Variants in UVSSA observed in about 807,000 individuals in gnomAD.
The protein encoded by UVSSA is UV stimulated scaffold protein A.
Under a neutral mutation model 73.9 loss-of-function variants are expected in UVSSA, and 72 were observed. The observed-to-expected ratio is 0.97, with a 90% confidence interval of 0.81 to 1.19. The LOEUF is 1.19. UVSSA is among the 50% of genes most tolerant of loss of function. The probability of loss-of-function intolerance (pLI) is 0.00; values close to 1 mark genes in which losing one functional copy is unlikely to be tolerated. For synonymous variants in UVSSA, 454 were observed against 391.3 expected (o/e 1.16, Z -1.89); for missense variants, 1,150 against 965.0 (o/e 1.19, Z -2.54).
intron 9 of UVSSA, 143 bp downstream of exon 9, chr4:1,375,651 G>T (rs1271870612): frequency 3.0e-6 from 4 of 1,335,450 alleles, no homozygotes. Flanking sequence ...CCCCGGCCGG[G>T]TGAGCAGTGT....
chr4:1,350,755 C>G (rs989549971), intron 3 of UVSSA, among the ~76,000 whole-genome samples: 2 of 144,358 alleles, frequency 1.4e-5, no homozygotes, highest in Non-Finnish European at 3.0e-5. Context: ...CACAGCAAGA[C>G]CGTTGTCTCT....
At chr4:1,374,001 G>A (rs185124716) in intron 8 of UVSSA, among the ~76,000 whole-genome samples, 205 of 152,322 alleles carry the variant, frequency 1.3e-3, no homozygotes, top group African/African-American at 4.9e-3. Flanking sequence ...GCACCTCTTC[G>A]CCCCAGCTGC....
chr4:1,357,709 G>GCTCAC (rs1378282804), intron 7 of UVSSA, among the ~76,000 whole-genome samples: 2 of 152,172 alleles, frequency 1.3e-5, no homozygotes, highest in African/African-American at 4.8e-5. Flanking sequence ...TGAGTGTTCA[G>GCTCAC]CTCAGCCTGG....
At chr4:1,364,573 T>A (rs898412358) in intron 7 of UVSSA, among the ~76,000 whole-genome samples, 10 of 152,198 alleles carry the variant, frequency 6.6e-5, no homozygotes, top group African/African-American at 2.2e-4. Context: ...GAGATGCAGG[T>A]GTGTGTCAGA....
chr4:1,372,330 A>C (rs974589428), intron 8 of UVSSA, among the ~76,000 whole-genome samples: 2 of 152,168 alleles, frequency 1.3e-5, no homozygotes, highest in African/African-American at 4.8e-5. Context: ...GCGGCCTGTC[A>C]CGCGTCCATC....
At chr4:1,356,321 TGTCGTTTTCCCCAG>T (rs1715738867) in intron 7 of UVSSA, among the ~76,000 whole-genome samples, 1 of 152,166 alleles carries the variant, frequency 6.6e-6, no homozygotes, top group Admixed American at 6.5e-5. Context: ...ATGCTGAGCC[TGTCGTTTTCCCCAG>T]GTCAGTGGCC....
chr4:1,348,271 C>A, intron 2 of UVSSA, 82 bp downstream of exon 2: 1 of 1,114,548 alleles, frequency 9.0e-7, no homozygotes, highest in Non-Finnish European at 1.4e-6. Context: ...CCTGCCCCCA[C>A]CTGGGAGAGA....
At chr4:1,357,839 T>A (rs527994716) in intron 7 of UVSSA, 3 of 152,380 alleles carry the variant, frequency 2.0e-5, no homozygotes, top group Non-Finnish European at 4.4e-5. Flanking sequence ...GATGCTATAT[T>A]CAGGGCCTGG....
At chr4:1,395,522 A>T in exon 14 of UVSSA, 2 of 1,533,788 alleles carry the variant, frequency 1.3e-6, no homozygotes, top group South Asian at 1.1e-5. Context: ...ACACATGCCG[A>T]TGTGGAGTGC....
rs1262920894 is a variant in UVSSA, at chr4:1,347,779, A to G, written c.-3+19A>G. On this transcript the variant is annotated intron_variant, in intron 1 of 13. Coordinates refer to ENST00000389851, the MANE Select transcript of UVSSA (RefSeq NM_020894.4). Reference sequence around the variant, plus strand: ...AATCTGAGTGAATAAGGGAAACAGCAACAGTCACGTTGGGGAAAAGCTGAT... The same window carrying G: ...AATCTGAGTGAATAAGGGAAACAGCGACAGTCACGTTGGGGAAAAGCTGAT... 2 of 300,296 alleles carry G rather than the reference A, an allele frequency of 6.7e-6. No homozygotes were observed. Among genetic ancestry groups the G allele is most frequent in the Non-Finnish European group, 1.3e-5 (2 of 158,412 alleles). 18.6% of individuals were successfully genotyped at this position (300,296 alleles called of 1,614,324 possible).
Position 1,380,164 on chromosome 4 carries a change from TG to T in UVSSA, c.1687del (p.Val563CysfsTer21). On this transcript the variant is annotated frameshift_variant, in exon 11 of 14. Transcript: ENST00000389851. LOFTEE classifies it high-confidence loss of function. The part of the protein sequence containing the change: ...HITFAGKFEP[V>X]QHWCRAPRPD... Reference sequence around the variant, plus strand: ...TCACTTTTGCCGGGAAGTTTGAGCCTGTGCAGCACTGGTGCCGTGCCCCGAG... The same window carrying T: ...TCACTTTTGCCGGGAAGTTTGAGCCTTGCAGCACTGGTGCCGTGCCCCGAG... 1 of 1,613,142 alleles carries T rather than the reference TG, an allele frequency of 6.2e-7. No homozygotes were observed. Among genetic ancestry groups the T allele is most frequent in the Non-Finnish European group, 8.5e-7 (1 of 1,179,998 alleles).
chr4:1,360,128 C>T (rs1189013144), intron 7 of UVSSA, among the ~76,000 whole-genome samples: 2 of 152,228 alleles, frequency 1.3e-5, no homozygotes, highest in African/African-American at 4.8e-5. Context: ...CCCTCCATCA[C>T]GCCGAAGGCC....
chr4:1,362,148 A>T (rs1031645383), intron 7 of UVSSA, among the ~76,000 whole-genome samples: 3 of 152,162 alleles, frequency 2.0e-5, no homozygotes, highest in African/African-American at 7.2e-5. Context: ...ATGATCGTGG[A>T]GGCTCATTTT....
chr4:1,345,906 A>G (rs551559870), upstream of UVSSA, among the ~76,000 whole-genome samples: 3 of 152,202 alleles, frequency 2.0e-5, no homozygotes, highest in Non-Finnish European at 4.4e-5. Flanking sequence ...AGACAGAGGG[A>G]AACTGCTGGA....
upstream of UVSSA, among the ~76,000 whole-genome samples, chr4:1,344,554 C>G (rs913476765): frequency 1.3e-5 from 2 of 152,134 alleles, no homozygotes; most frequent in African/African-American, 4.8e-5. Context: ...CTGTCTCAAA[C>G]AAAAACAAAC....
At chr4:1,358,953 G>C (rs1270466300) in intron 7 of UVSSA, among the ~76,000 whole-genome samples, 1 of 152,234 alleles carries the variant, frequency 6.6e-6, no homozygotes, top group South Asian at 2.1e-4. Context: ...CAGGAGCCTA[G>C]CCCCGGAAGG....
chr4:1,362,857 G>A (rs556503241), intron 7 of UVSSA, among the ~76,000 whole-genome samples: 4 of 152,284 alleles, frequency 2.6e-5, no homozygotes, highest in Non-Finnish European at 5.9e-5. Flanking sequence ...TGACCACGCC[G>A]TTCCTGTCCT....
At chr4:1,363,488 A>G (rs1476479033) in intron 7 of UVSSA, among the ~76,000 whole-genome samples, 3 of 152,216 alleles carry the variant, frequency 2.0e-5, no homozygotes, top group African/African-American at 7.2e-5. Flanking sequence ...CGACGCCCAT[A>G]TTTAAAATCT....
chr4:1,344,807 G>T (rs1389127500), upstream of UVSSA, among the ~76,000 whole-genome samples: 1 of 152,202 alleles, frequency 6.6e-6, no homozygotes, highest in Non-Finnish European at 1.5e-5. Context: ...AACGGATGGG[G>T]GGTGTTGAGC....
Sources: allele counts gnomAD v4.1 joint callset (sites outside exome capture counted in the v4.1 genomes callset), GRCh38; gene constraint gnomAD v4.1.1; transcripts MANE v1.5; gene names NCBI Gene and HGNC (gene_info 2026-07-23, HGNC 2026-07-21).